Variants in CDC42BPA observed in about 807,000 individuals in gnomAD.
The protein encoded by CDC42BPA is serine/threonine-protein kinase MRCK alpha.
A neutral mutation model predicts 223.5 loss-of-function variants in CDC42BPA; 80 were observed. The ratio of observed to expected loss-of-function variants is 0.36; its 90% CI spans 0.30 to 0.43. CDC42BPA has a LOEUF of 0.43. CDC42BPA is among the 20% of genes least tolerant of loss of function. The probability of loss-of-function intolerance (pLI) is 1.00; values close to 1 mark genes in which losing one functional copy is unlikely to be tolerated. For missense variants in CDC42BPA, 1,743 were observed against 2,099.9 expected (o/e 0.83, Z 3.32); for synonymous variants, 694 against 718.6 (o/e 0.97, Z 0.55).
At chr1:227,248,881 T>A (rs1169728178) in intron 2 of CDC42BPA, among the ~76,000 whole-genome samples, 1 of 152,176 alleles carries the variant, frequency 6.6e-6, no homozygotes, top group African/African-American at 2.4e-5. Flanking sequence ...ACAGATTCAA[T>A]GCAATCCCTG....
intron 2 of CDC42BPA, among the ~76,000 whole-genome samples, chr1:227,224,881 A>G (rs971772892): frequency 2.6e-5 from 4 of 152,342 alleles, no homozygotes; most frequent in African/African-American, 9.6e-5. Context: ...GAAAAAATAG[A>G]GCACATTCTT....
At chr1:227,278,268 G>T (rs1213112472) in intron 1 of CDC42BPA, among the ~76,000 whole-genome samples, 1 of 152,304 alleles carries the variant, frequency 6.6e-6, no homozygotes, top group Non-Finnish European at 1.5e-5. Context: ...TTTAATTATA[G>T]GTTTAAATGG....
At chr1:227,162,714 C>T (rs369507199) in intron 5 of CDC42BPA, among the ~76,000 whole-genome samples, 21 of 152,094 alleles carry the variant, frequency 1.4e-4, no homozygotes, top group Admixed American at 7.9e-4. Context: ...CACATGCTTG[C>T]GATCCCAGCT....
chr1:227,278,332 G>C (rs1025867896), intron 1 of CDC42BPA, among the ~76,000 whole-genome samples: 1 of 152,118 alleles, frequency 6.6e-6, no homozygotes, highest in African/African-American at 2.4e-5. Context: ...GCTTTAAATA[G>C]AATTCTATCA....
chr1:227,043,081 C>T (rs1322885192), intron 23 of CDC42BPA, among the ~76,000 whole-genome samples: 1 of 152,086 alleles, frequency 6.6e-6, no homozygotes, highest in Non-Finnish European at 1.5e-5. Context: ...TCACACAACC[C>T]TTTCTTTTTT....
intron 1 of CDC42BPA, among the ~76,000 whole-genome samples, chr1:227,264,485 T>C (rs1684639132): frequency 6.6e-6 from 1 of 150,954 alleles, no homozygotes; most frequent in Non-Finnish European, 1.5e-5. Flanking sequence ...TATTTTCAAA[T>C]AAGATTTATA....
At chr1:227,133,973 G>GAATAAATAAATGAATAAATA (rs1553355409) in intron 10 of CDC42BPA, among the ~76,000 whole-genome samples, 2 of 146,288 alleles carry the variant, frequency 1.4e-5, no homozygotes, top group Non-Finnish European at 1.5e-5. Context: ...AAAAATAAAT[G>GAATAAATAAATGAATAAATA]AATAAATAAA....
intron 8 of CDC42BPA, among the ~76,000 whole-genome samples, chr1:227,143,639 A>G (rs527496814): frequency 2.0e-5 from 3 of 152,322 alleles, no homozygotes; most frequent in African/African-American, 7.2e-5. Context: ...ATGTGCTAGA[A>G]AAGCTTCATT....
intron 35 of CDC42BPA, 69 bp downstream of exon 35, chr1:227,004,925 G>A (rs775513256): frequency 2.3e-5 from 23 of 1,016,960 alleles, no homozygotes; most frequent in African/African-American, 4.7e-5. Context: ...TGTCACCCAC[G>A]GGACAGGAGG....
chr1:227,220,421 CT>C (rs911014759), intron 2 of CDC42BPA, among the ~76,000 whole-genome samples: 15 of 148,890 alleles, frequency 1.0e-4, no homozygotes, highest in African/African-American at 3.7e-4. Context: ...TATACTTTGT[CT>C]TTTTATTATT....
intron 31 of CDC42BPA, among the ~76,000 whole-genome samples, chr1:227,025,831 C>T (rs561141120): frequency 1.1e-4 from 16 of 152,214 alleles, no homozygotes; most frequent in Admixed American, 5.9e-4. Context: ...AACAATCATA[C>T]TTTGCATAAA....
chr1:227,010,518 A>G (rs2148430826), intron 34 of CDC42BPA, among the ~76,000 whole-genome samples: 1 of 152,340 alleles, frequency 6.6e-6, no homozygotes, highest in Middle Eastern at 3.4e-3. Flanking sequence ...AGGAGCTAAA[A>G]AATTCAGAAA....
In CDC42BPA at chr1:227,072,197, C is replaced by T. The variant is rs1678533695; in HGVS notation, c.2827+11G>A. ...GTAAGTCCTGAGTGAGGCAAACACA[C>T]ACTCCCATACCCTTTTCAGATCTAA... is the stretch of plus-strand genomic sequence containing the variant. On this transcript the variant is annotated intron_variant, in intron 20 of 36. Transcript: ENST00000366766. 7 of 1,500,960 alleles carry T rather than the reference C, an allele frequency of 4.7e-6. No individual in the cohort carries two copies. Among genetic ancestry groups the T allele is most frequent in the Non-Finnish European group, 6.4e-6 (7 of 1,094,180 alleles). 93.0% of individuals were successfully genotyped at this position (1,500,960 alleles called of 1,614,324 possible).
chr1:227,195,431 G>A (rs1011391380), intron 4 of CDC42BPA, among the ~76,000 whole-genome samples: 8 of 152,016 alleles, frequency 5.3e-5, no homozygotes, highest in South Asian at 2.1e-4. Context: ...TGACCTGGAC[G>A]TCCCAAAGTG....
At chr1:227,041,725 C>T (rs1671414128) in intron 23 of CDC42BPA, among the ~76,000 whole-genome samples, 2 of 152,114 alleles carry the variant, frequency 1.3e-5, no homozygotes, top group Admixed American at 1.3e-4. Context: ...CTGGTCCAAC[C>T]TCAAAGCATT....
chr1:227,035,548 G>C lies in CDC42BPA; in HGVS notation c.3259C>G (p.Pro1087Ala). The C allele has an allele frequency of 6.2e-6, 10 of 1,609,844 alleles. No individual in the cohort carries two copies. Among genetic ancestry groups the C allele is most frequent in the Non-Finnish European group, 8.5e-6 (10 of 1,177,834 alleles). ...VNKAPTTCPV[P>A]PEQTKGPLGI... ...AGGGGACCTTTTGTCTGTTCAGGAG[G>C]AACTGGACAAGTGGTTGGAGCTTTG... The change falls in exon 25 of 37, where the codon CCT becomes GCT. Residue 1087 changes from proline to alanine, a missense_variant. Pro to Ala is a conservative substitution (Grantham distance 27). Transcript: ENST00000366766.
intron 2 of CDC42BPA, among the ~76,000 whole-genome samples, chr1:227,223,545 C>A (rs1419070341): frequency 6.6e-6 from 1 of 152,056 alleles, no homozygotes; most frequent in African/African-American, 2.4e-5. Flanking sequence ...GAGGATCTAA[C>A]TAAGAAAAAG....
chr1:227,157,656 T>C (rs1423715184), intron 6 of CDC42BPA, among the ~76,000 whole-genome samples: 1 of 152,144 alleles, frequency 6.6e-6, no homozygotes, highest in Non-Finnish European at 1.5e-5. Context: ...GTACACATTT[T>C]TTTTTCCCCA....
chr1:227,091,565 T>C (rs1292931592), intron 16 of CDC42BPA, among the ~76,000 whole-genome samples: 1 of 152,154 alleles, frequency 6.6e-6, no homozygotes, highest in Non-Finnish European at 1.5e-5. Context: ...AATAAATCTA[T>C]TTTATTTGTA....
Sources: allele counts gnomAD v4.1 joint callset (sites outside exome capture counted in the v4.1 genomes callset), GRCh38; gene constraint gnomAD v4.1.1; transcripts MANE v1.5; gene names NCBI Gene and HGNC (gene_info 2026-07-23, HGNC 2026-07-21).